Variants in APOBR observed in about 807,000 individuals in gnomAD.
APOBR encodes the protein apoB-48R.
Under a neutral mutation model 88.5 loss-of-function variants are expected in APOBR, and 57 were observed. That is an observed-to-expected ratio of 0.64 (90% CI 0.52 to 0.80). The LOEUF (loss-of-function observed/expected upper bound fraction) is 0.80, where lower values mean the gene tolerates loss of function less well. Among genes scored for constraint, APOBR ranks in the 30% least tolerant of loss-of-function variants. APOBR has a pLI of 0.00. For synonymous variants in APOBR, 588 were observed against 572.7 expected, an observed-to-expected ratio of 1.03 and a Z score of -0.38; for missense variants, 1,443 against 1,401.6, an observed-to-expected ratio of 1.03 and a Z score of -0.47.
Position 28,496,639 on chromosome 16 carries a change from C to A in APOBR, c.1598C>A (p.Thr533Lys). Residue 533 changes from threonine to lysine, a missense_variant, in exon 2 of 4, where the codon ACA becomes AAA. By Grantham distance (78) the Thr-to-Lys change is moderately conservative. Transcript: ENST00000564831. ...GAGGCCAGGCCTGAGGAGGAGCTCA[C>A]AGGGGAGGAGAGTGAGGCGGCCCAG... ...TPEARPEEEL[T>K]GEESEAAQTS... The A allele has an allele frequency of 6.3e-7, 1 of 1,596,690 alleles. No individual in the cohort carries two copies.
rs551289369 is a variant in APOBR, at chr16:28,496,158, T to G, written c.1117T>G (p.Trp373Gly). Residue 373 changes from tryptophan (W) to glycine (G), a missense_variant, in exon 2 of 4, where the codon TGG (tryptophan) becomes GGG (glycine). Trp to Gly is a radical substitution (Grantham distance 184). Coordinates refer to ENST00000564831, the MANE Select transcript of APOBR (RefSeq NM_018690.4). ...GACAGCCTCAGGAGGGGACGAGGCCTGGACAACCTCAGGCAAAGAGGAGGC... is the reference window on the plus strand; with the variant it reads ...GACAGCCTCAGGAGGGGACGAGGCCGGGACAACCTCAGGCAAAGAGGAGGC... ...AGTASGGDEA[W>G]TTSGKEEADL... 5.8e-6 allele frequency: 9 copies of G among 1,544,674 alleles called. No individual in the cohort carries two copies. The South Asian group carries it at 8.8e-5, about 15-fold the overall frequency.
Position 28,496,911 on chromosome 16 carries a change from T to C in APOBR, c.1870T>C (p.Trp624Arg), listed in dbSNP as rs1395026644. Reference sequence around the variant, plus strand: ...GGCCTCCGAGGCCTTCCCAGGAGCCTGGGAAAACCGCACGAGAAAGGACAT... The same window carrying C: ...GGCCTCCGAGGCCTTCCCAGGAGCCCGGGAAAACCGCACGAGAAAGGACAT... Reference protein sequence around the residue: ...PEASEAFPGAWENRTRKDMER... With the variant: ...PEASEAFPGARENRTRKDMER... The change falls in exon 2 of 4, where the codon TGG (tryptophan) becomes CGG (arginine). Residue 624 changes from tryptophan (W) to arginine (R), a missense_variant. By Grantham distance (101) the Trp-to-Arg change is moderately radical. Transcript: ENST00000564831. 1 of 1,558,938 alleles carries C rather than the reference T, an allele frequency of 6.4e-7. No individual in the cohort carries two copies. The highest frequency in any genetic ancestry group is 1.7e-4 in the Middle Eastern group (1 of 5,956).
rs1162107032 is a variant in APOBR, at chr16:28,496,429, T to G, written c.1388T>G (p.Val463Gly). ...QEAGESFEGQ[V>G]DLRGKEAEMR... is the part of the protein sequence containing the mutation. ...GCAGGGGAGAGCTTTGAGGGCCAGG[T>G]AGACCTGCGTGGTAAGGAGGCTGAG... The change falls in exon 2 of 4, where the codon GTA becomes GGA. Residue 463 changes from valine to glycine, a missense_variant. Val to Gly is a moderately radical substitution (Grantham distance 109). Coordinates refer to ENST00000564831, the MANE Select transcript of APOBR (RefSeq NM_018690.4). 1.2e-6 allele frequency: 2 copies of G among 1,612,414 alleles called. No homozygotes were observed. The highest frequency in any genetic ancestry group is 8.5e-7 in the Non-Finnish European group (1 of 1,179,240).
In APOBR at chr16:28,496,055, G is replaced by T; in HGVS notation, c.1014G>T (p.Gly338=). 1 of 1,567,152 alleles carries T rather than the reference G, an allele frequency of 6.4e-7. No individual in the cohort carries two copies. Among genetic ancestry groups the T allele is most frequent in the Non-Finnish European group, 8.6e-7 (1 of 1,157,092 alleles). ...CAGCCTCGGGAGGGGAGGAGGCCGG[G>T]ATAGCCTCAGGCGGGGAGGCTGGGA... ...AGTASGGEEA[G]IASGGEAGTA... The change falls in exon 2 of 4, where the codon GGG becomes GGT. Residue 338 remains glycine, a synonymous_variant. Transcript: ENST00000564831.
chr16:28,497,437 C>T lies in APOBR; in HGVS notation c.2396C>T (p.Ala799Val), dbSNP rs746573798. ...GWDSKEKEEA[A>V]AGEHAGGQEF... ...GACTCGAAAGAAAAGGAAGAGGCAG[C>T]AGCAGGAGAGCATGCAGGTGGGCAA... The change falls in exon 2 of 4, where the codon GCA (alanine) becomes GTA (valine). Residue 799 changes from alanine (A) to valine (V), a missense_variant. Transcript: ENST00000564831. 1.4e-5 allele frequency: 22 copies of T among 1,613,714 alleles called. No homozygotes were observed. The highest frequency in any genetic ancestry group is 4.5e-5 in the East Asian group (2 of 44,874).
chr16:28,495,982 C>G lies in APOBR; in HGVS notation c.941C>G (p.Ser314Ter), dbSNP rs777683528. 1 of 1,605,504 alleles carries G rather than the reference C, an allele frequency of 6.2e-7. No homozygotes were observed. The highest frequency in any genetic ancestry group is 8.5e-7 in the Non-Finnish European group (1 of 1,178,520). ...GGCGGGGAGGAGGCTGAGACAGCCT[C>G]AGGCGGGGAGGAGGCTGAAACAGCC... The part of the protein sequence containing the change: ...ISGGEEAETA[S>*]GGEEAETASG... The change falls in exon 2 of 4, where the codon TCA becomes TGA. Residue 314 changes from serine (S) to a stop codon, truncating the protein, a stop_gained. Transcript: ENST00000564831. LOFTEE classifies it high-confidence loss of function.
At position 28,497,767 on chromosome 16, in the gene APOBR, C is replaced by T. The variant is rs376417191; in HGVS notation, c.2726C>T (p.Pro909Leu). ...DSEGRCGDYH[P>L]EGEAPRLLDA... is the part of the protein sequence containing the mutation. ...GAGGGGCGGTGTGGGGACTACCACC[C>T]TGAGGGAGAGGCACCAAGGCTCCTT... The change falls in exon 2 of 4, where the codon CCT becomes CTT. Residue 909 changes from proline (P) to leucine (L), a missense_variant. Physicochemically the swap from Pro to Leu is moderately conservative, Grantham distance 98. Transcript: ENST00000564831. The T allele has an allele frequency of 6.2e-7, 1 of 1,603,630 alleles. No homozygotes were observed. Among genetic ancestry groups the T allele is most frequent in the African/African-American group, 1.3e-5 (1 of 74,766 alleles).
In APOBR at chr16:28,498,620, C is replaced by A. The variant is rs1329498719; in HGVS notation, c.*115C>A. On this transcript the variant is annotated 3_prime_UTR_variant, in exon 4 of 4. Transcript: ENST00000564831. ...GGACACATCCTCTCCACCCTCTGGG[C>A]CTCAGTGTCTTGATGTATCATTCAT... The A allele has an allele frequency of 8.2e-7, 1 of 1,218,080 alleles. No individual in the cohort carries two copies. Among genetic ancestry groups the A allele is most frequent in the Non-Finnish European group, 1.1e-6 (1 of 881,810 alleles). 75.5% of individuals were successfully genotyped at this position (1,218,080 alleles called of 1,614,324 possible). A position where few individuals can be genotyped will look rare whatever the true frequency, so the allele number is the denominator to read the frequency against.
rs1161172115 is a variant in APOBR at position 28,497,548 on chromosome 16, C to T, written c.2507C>T (p.Pro836Leu). The T allele has an allele frequency of 1.2e-6, 2 of 1,607,908 alleles. No homozygotes were observed. The highest frequency in any genetic ancestry group is 2.2e-5 in the East Asian group (1 of 44,824). The change falls in exon 2 of 4, where the codon CCT becomes CTT. Residue 836 changes from proline to leucine, a missense_variant. Coordinates refer to ENST00000564831, the MANE Select transcript of APOBR (RefSeq NM_018690.4). The part of the protein sequence containing the change: ...VEAFESREGG[P>L]WGGRVEAEES... ...GCTTTTGAGTCCAGGGAGGGAGGAC[C>T]TTGGGGAGGGCGGGTAGAGGCCGAG...
chr16:28,498,445 C>T lies in APOBR; in HGVS notation c.3234C>T (p.Leu1078=), dbSNP rs756057452. 1.4e-5 allele frequency: 23 copies of T among 1,601,724 alleles called. No homozygotes were observed. Among genetic ancestry groups the T allele is most frequent in the Admixed American group, 3.4e-5 (2 of 58,042 alleles). The change falls in exon 4 of 4, where the codon CTC becomes CTT. Residue 1078 remains leucine (L), a synonymous_variant. Transcript: ENST00000564831. The stretch of plus-strand genomic sequence containing the variant: ...TGACTTCCGCCTCCAGGTTTGGCCT[C>T]GCGCACCCTGGCATGATGCAGGAGC... ...RRRPLGHGFG[L]AHPGMMQELQ...
At position 28,496,941 on chromosome 16, in the gene APOBR, A is replaced by G. The variant is rs751556206; in HGVS notation, c.1900A>G (p.Arg634Gly). The G allele has an allele frequency of 1.3e-6, 2 of 1,559,562 alleles. No homozygotes were observed. The highest frequency in any genetic ancestry group is 1.4e-5 in the African/African-American group (1 of 73,244). The change falls in exon 2 of 4, where the codon AGA (arginine) becomes GGA (glycine). Residue 634 changes from arginine (R) to glycine (G), a missense_variant. Coordinates refer to ENST00000564831, the MANE Select transcript of APOBR (RefSeq NM_018690.4). ...WENRTRKDME[R>G]GNTQEDAADG... is the part of the protein sequence containing the mutation. ...AAACCGCACGAGAAAGGACATGGAG[A>G]GAGGAAATACTCAGGAGGATGCGGC... is the stretch of plus-strand genomic sequence containing the variant.
chr16:28,495,415 A>C lies in APOBR; in HGVS notation c.374A>C (p.Lys125Thr). 1 of 1,561,466 alleles carries C rather than the reference A, an allele frequency of 6.4e-7. No individual in the cohort carries two copies. The highest frequency in any genetic ancestry group is 8.7e-7 in the Non-Finnish European group (1 of 1,153,198). Residue 125 changes from lysine (K) to threonine (T), a missense_variant, in exon 2 of 4, where the codon AAG (lysine) becomes ACG (threonine). By Grantham distance (78) the Lys-to-Thr change is moderately conservative. Transcript: ENST00000564831. Reference sequence around the variant, plus strand: ...GACAGTGGGGCTGGGGAGACAGCCAAGGCTGCCAGGTGCCAGGAGCCAAGC... The same window carrying C: ...GACAGTGGGGCTGGGGAGACAGCCACGGCTGCCAGGTGCCAGGAGCCAAGC... ...RQDSGAGETAKAARCQEPSAH... is the reference protein window; with the variant it reads ...RQDSGAGETATAARCQEPSAH...
rs1270745322 is a variant in APOBR, at chr16:28,498,832, C to G, written c.*327C>G. The G allele has an allele frequency of 3.5e-6, 2 of 571,588 alleles. No homozygotes were observed. Among genetic ancestry groups the G allele is most frequent in the African/African-American group, 3.7e-5 (2 of 53,618 alleles). 35.4% of individuals were successfully genotyped at this position (571,588 alleles called of 1,614,324 possible). A position where few individuals can be genotyped will look rare whatever the true frequency, so the allele number is the denominator to read the frequency against. On this transcript the variant is annotated 3_prime_UTR_variant, in exon 4 of 4. Transcript: ENST00000564831. ...GCACGGGGGCTCACGCCTGTCACCC[C>G]AGAGCTTTGGGAGGCCAAGGTGGGA... is the stretch of plus-strand genomic sequence containing the variant.
chr16:28,495,484 C>A lies in APOBR; in HGVS notation c.443C>A (p.Ala148Asp). ...AAGAAATCCAAGGCAGGGTCTGGGG[C>A]TTGCCAAGACAGGAGCGGCCAAGCC... ...ARKKSKAGSG[A>D]CQDRSGQAQE... The change falls in exon 2 of 4, where the codon GCT (alanine) becomes GAT (aspartate). Residue 148 changes from alanine (A) to aspartate (D), a missense_variant. Coordinates refer to ENST00000564831, the MANE Select transcript of APOBR (RefSeq NM_018690.4). 6.4e-7 allele frequency: 1 copy of A among 1,565,724 alleles called. No individual in the cohort carries two copies.
At chr16:28,494,774 C>T (rs1596571627) in intron 1 of APOBR, 36 bp downstream of exon 1, 5 of 1,582,764 alleles carry the variant, frequency 3.2e-6, no homozygotes, top group Non-Finnish European at 4.3e-6. Flanking sequence ...TACTTGCACC[C>T]CATTCCCTGG....
At position 28,494,959 on chromosome 16, in the gene APOBR, G is replaced by C. The variant is rs2046377665; in HGVS notation, c.58-140G>C. ...GTACCCCTAATCGATGCCCCTTCTG[G>C]CTCCTTCTGCAAATCCTCTTCTTCT... On this transcript the variant is annotated intron_variant, in intron 1 of 3. Transcript: ENST00000564831. The C allele has an allele frequency of 6.2e-6, 6 of 962,880 alleles. No homozygotes were observed. In the South Asian group the frequency reaches 1.1e-4, roughly 18 times the overall value. 59.6% of individuals were successfully genotyped at this position (962,880 alleles called of 1,614,324 possible).
Position 28,494,659 on chromosome 16 carries a change from A to G in APOBR, c.-23A>G. 1 of 1,605,386 alleles carries G rather than the reference A, an allele frequency of 6.2e-7. No homozygotes were observed. Among genetic ancestry groups the G allele is most frequent in the South Asian group, 1.1e-5 (1 of 90,450 alleles). On this transcript the variant is annotated 5_prime_UTR_variant, in exon 1 of 4. Coordinates refer to ENST00000564831, the MANE Select transcript of APOBR (RefSeq NM_018690.4). ...GGGACGGTCATTATCAGCTTTCTGGACACACAGACAGAGACAGACAGGATG... is the reference window on the plus strand; with the variant it reads ...GGGACGGTCATTATCAGCTTTCTGGGCACACAGACAGAGACAGACAGGATG...
At position 28,496,591 on chromosome 16, in the gene APOBR, C is replaced by G; in HGVS notation, c.1550C>G (p.Thr517Ser). The G allele has an allele frequency of 6.4e-7, 1 of 1,568,160 alleles. No homozygotes were observed. Among genetic ancestry groups the G allele is most frequent in the Non-Finnish European group, 8.6e-7 (1 of 1,156,302 alleles). ...ELPSDGEAEG[T>S]ADLEATPEAR... is the part of the protein sequence containing the mutation. ...CCCTCAGATGGAGAGGCTGAAGGCACTGCCGACTTGGAGGCAACTCCAGAG... is the reference window on the plus strand; with the variant it reads ...CCCTCAGATGGAGAGGCTGAAGGCAGTGCCGACTTGGAGGCAACTCCAGAG... The change falls in exon 2 of 4, where the codon ACT becomes AGT. Residue 517 changes from threonine (T) to serine (S), a missense_variant. Coordinates refer to ENST00000564831, the MANE Select transcript of APOBR (RefSeq NM_018690.4).
Position 28,497,031 on chromosome 16 carries a change from G to C in APOBR, c.1990G>C (p.Gly664Arg). 1 of 1,583,784 alleles carries C rather than the reference G, an allele frequency of 6.3e-7. No individual in the cohort carries two copies. Among genetic ancestry groups the C allele is most frequent in the Non-Finnish European group, 8.6e-7 (1 of 1,165,756 alleles). Residue 664 changes from glycine (G) to arginine (R), a missense_variant, in exon 2 of 4, where the codon GGA (glycine) becomes CGA (arginine). By Grantham distance (125) the Gly-to-Arg change is moderately radical. Transcript: ENST00000564831. ...CCAGACCCTGGCGGCTGAGGCTGAA[G>C]GAGACCGAGAGTCTGAACTATCAGA... ...GGQTLAAEAE[G>R]DRESELSEVP...
Sources: gnomAD v4.1 joint callset for allele counts on GRCh38, gnomAD v4.1.1 for gene constraint, MANE v1.5 for transcripts, NCBI Gene and HGNC (gene_info 2026-07-23, HGNC 2026-07-21) for gene names.